Variants in EYS observed in about 807,000 individuals in gnomAD.
The protein encoded by EYS is EGF-like photoreceptor maintenance factor.
In EYS, 250 loss-of-function variants were observed where a neutral mutation model predicts 282.1. The ratio of observed to expected loss-of-function variants is 0.89; its 90% CI spans 0.80 to 0.98. The LOEUF is 0.98. Ranked by LOEUF, EYS falls within the 50% of genes least tolerant of loss-of-function variation. The pLI is 0.00. For synonymous variants in EYS, 1,355 were observed against 1,282.9 expected (o/e 1.06, Z -1.20); for missense variants, 4,016 against 3,709.0 (o/e 1.08, Z -2.15).
In EYS at chr6:65,000,659, T is replaced by G. The variant is rs950399143; in HGVS notation, c.2138-2956A>C. 1.1e-4 allele frequency among the ~76,000 whole-genome samples: 17 copies of G among 152,136 alleles called. 1 individual carries two copies. Among genetic ancestry groups the G allele is most frequent in the African/African-American group, 4.1e-4 (17 of 41,476 alleles). ...CGGGCTTGGTGGCACATGCCTGTAG[T>G]CCCAGCTACTTGGGAAGCTGAGGCA... is the stretch of plus-strand genomic sequence containing the variant. On this transcript the variant is annotated intron_variant, in intron 13 of 42. Transcript: ENST00000503581.
intron 33 of EYS, among the ~76,000 whole-genome samples, chr6:64,033,693 A>G (rs1769972919): frequency 6.6e-6 from 1 of 152,132 alleles, no homozygotes; most frequent in African/African-American, 2.4e-5. Flanking sequence ...GGTTGCTACA[A>G]AAACAAATTT....
chr6:64,670,125 G>C (rs1769396595), intron 22 of EYS, among the ~76,000 whole-genome samples: 1 of 152,102 alleles, frequency 6.6e-6, no homozygotes, highest in Non-Finnish European at 1.5e-5. Context: ...GAAAGTAGGA[G>C]CCTAACTTTG....
At chr6:64,510,470 T>G (rs997687695) in intron 26 of EYS, among the ~76,000 whole-genome samples, 8 of 152,106 alleles carry the variant, frequency 5.3e-5, no homozygotes, top group African/African-American at 1.7e-4. Flanking sequence ...TGCATTTAAC[T>G]TCTGCCTTAA....
intron 36 of EYS, 93 bp from the exon 37 acceptor site, chr6:63,806,465 G>A (rs1770912061): frequency 1.9e-6 from 2 of 1,068,848 alleles, no homozygotes; most frequent in Admixed American, 2.9e-5. Flanking sequence ...TGGCCAGATA[G>A]TCTGTTTACT....
At chr6:64,822,563 A>C in intron 20 of EYS, 88 bp downstream of exon 20, 1 of 1,111,178 alleles carries the variant, frequency 9.0e-7, no homozygotes, top group Non-Finnish European at 1.3e-6. Flanking sequence ...AATTAAAATT[A>C]TCTTTATCAA....
intron 35 of EYS, among the ~76,000 whole-genome samples, chr6:63,926,517 G>A (rs1424859182): frequency 6.6e-6 from 1 of 152,120 alleles, no homozygotes; most frequent in African/African-American, 2.4e-5. Flanking sequence ...ACTCCTAATG[G>A]CAGGTTACTC....
chr6:64,005,084 G>C (rs1233363110), intron 33 of EYS, among the ~76,000 whole-genome samples: 1 of 152,192 alleles, frequency 6.6e-6, no homozygotes, highest in Non-Finnish European at 1.5e-5. Flanking sequence ...CCCTGCAGCA[G>C]TGTATAAGAG....
At chr6:65,605,822 A>G (rs1205505874) in intron 2 of EYS, among the ~76,000 whole-genome samples, 1 of 151,770 alleles carries the variant, frequency 6.6e-6, no homozygotes, top group Non-Finnish European at 1.5e-5. Flanking sequence ...GTATGTGTGT[A>G]TATATTTATA....
intron 35 of EYS, among the ~76,000 whole-genome samples, chr6:63,957,855 A>G (rs1765889398): frequency 7.1e-6 from 1 of 140,840 alleles, no homozygotes; most frequent in Non-Finnish European, 1.6e-5. Context: ...TAGTAAAGAA[A>G]CAAGGTCAGT....
intron 42 of EYS, 137 bp from the exon 43 acceptor site, chr6:63,721,934 T>A: frequency 1.3e-6 from 1 of 787,088 alleles, no homozygotes; most frequent in Non-Finnish European, 2.0e-6. Flanking sequence ...TTGTGTTAGT[T>A]TTGTTTCCAC....
intron 29 of EYS, among the ~76,000 whole-genome samples, chr6:64,375,180 A>G (rs1772523930): frequency 1.3e-5 from 2 of 152,220 alleles, no homozygotes; most frequent in African/African-American, 4.8e-5. Context: ...TATATGAATA[A>G]GTATTTTCCA....
chr6:65,495,606 T>A lies in EYS; in HGVS notation c.-196A>T, dbSNP rs961997877. 1.6e-6 allele frequency: 1 copy of A among 613,778 alleles called. No individual in the cohort carries two copies. The highest frequency in any genetic ancestry group is 2.9e-6 in the Non-Finnish European group (1 of 350,124). The allele number at this position is 613,778 out of a possible 1,614,324, so 38.0% of individuals were successfully genotyped here. On this transcript the variant is annotated splice_region_variant and 5_prime_UTR_variant, in exon 4 of 43. Coordinates refer to ENST00000503581, the MANE Select transcript of EYS (RefSeq NM_001142800.2). The stretch of plus-strand genomic sequence containing the variant: ...ACAGGAATTCAAATGTTGTAAATAT[T>A]CCTTTAAACAGAAAAAAACATATAT...
chr6:64,442,750 T>G (rs1285418438), intron 26 of EYS, among the ~76,000 whole-genome samples: 1 of 152,220 alleles, frequency 6.6e-6, no homozygotes, highest in South Asian at 2.1e-4. Flanking sequence ...CATGTGGTGT[T>G]GAGCCTGCAG....
At chr6:65,488,376 T>G (rs1330749120) in intron 5 of EYS, among the ~76,000 whole-genome samples, 1 of 152,196 alleles carries the variant, frequency 6.6e-6, no homozygotes, top group Admixed American at 6.5e-5. Context: ...ACGTTGTGTC[T>G]TTGTTCTCAT....
chr6:64,217,299 C>A (rs1441345751), intron 31 of EYS, among the ~76,000 whole-genome samples: 1 of 151,968 alleles, frequency 6.6e-6, no homozygotes, highest in African/African-American at 2.4e-5. Context: ...GAGGCCAAGA[C>A]AGGCGGATCA....
chr6:63,988,862 A>G (rs1582087996), intron 34 of EYS, among the ~76,000 whole-genome samples: 1 of 151,688 alleles, frequency 6.6e-6, no homozygotes, highest in African/African-American at 2.4e-5. Flanking sequence ...AAGGAAGAAT[A>G]TAGTTATTCT....
chr6:64,099,469 A>G (rs1483141394), intron 31 of EYS, among the ~76,000 whole-genome samples: 3 of 152,218 alleles, frequency 2.0e-5, no homozygotes, highest in Non-Finnish European at 1.5e-5. Flanking sequence ...ATACCTTCAC[A>G]GTCTTGTCTC....
intron 31 of EYS, among the ~76,000 whole-genome samples, chr6:64,168,150 A>ACT (rs1421435822): frequency 6.6e-6 from 1 of 152,152 alleles, no homozygotes; most frequent in African/African-American, 2.4e-5. Context: ...AGTCCCAGCT[A>ACT]CTCGGGACGC....
At chr6:64,443,501 G>C (rs1003078667) in intron 26 of EYS, among the ~76,000 whole-genome samples, 2 of 152,124 alleles carry the variant, frequency 1.3e-5, no homozygotes, top group Non-Finnish European at 2.9e-5. Flanking sequence ...GGAAGGGCCA[G>C]GTGTGAAATG....
Sources: allele counts gnomAD v4.1 joint callset (sites outside exome capture counted in the v4.1 genomes callset), GRCh38; gene constraint gnomAD v4.1.1; transcripts MANE v1.5; gene names NCBI Gene and HGNC (gene_info 2026-07-23, HGNC 2026-07-21).